Variants in NIF3L1 observed in about 807,000 individuals in gnomAD.
NIF3L1 encodes the protein NGG1 interacting factor 3 like 1.
A neutral mutation model predicts 35.0 loss-of-function variants in NIF3L1; 26 were observed. The ratio of observed to expected loss-of-function variants is 0.74; its 90% CI spans 0.54 to 1.03. The LOEUF is 1.03. NIF3L1 is among the 50% of genes least tolerant of loss of function. NIF3L1 has a pLI of 0.00. For missense variants in NIF3L1, 449 were observed against 466.3 expected (o/e 0.96, Z 0.34); for synonymous variants, 157 against 178.9 (o/e 0.88, Z 0.98).
At position 200,903,431 on chromosome 2, in the gene NIF3L1, T is replaced by C. The variant is rs981174394; in HGVS notation, c.950-63T>C. 3.7e-6 allele frequency: 5 copies of C among 1,353,674 alleles called. No homozygotes were observed. The African/African-American group carries it at 7.3e-5, about 20-fold the overall frequency. The allele number at this position is 1,353,674 out of a possible 1,614,324, so 83.9% of individuals were successfully genotyped here. A position where few individuals can be genotyped will look rare whatever the true frequency, so the allele number is the denominator to read the frequency against. On this transcript the variant is annotated intron_variant, in intron 6 of 6. Coordinates refer to ENST00000409020, the MANE Select transcript of NIF3L1 (RefSeq NM_001369441.2). Reference sequence around the variant, plus strand: ...TACAAACTTGGTATTTCTGCTTTTGTGTTTCCTCATTCCACAGATTCCATA... The same window carrying C: ...TACAAACTTGGTATTTCTGCTTTTGCGTTTCCTCATTCCACAGATTCCATA...
At chr2:200,901,197 C>T (rs1019777078) in intron 6 of NIF3L1, among the ~76,000 whole-genome samples, 1 of 150,820 alleles carries the variant, frequency 6.6e-6, no homozygotes, top group Admixed American at 6.6e-5. Flanking sequence ...TTGATAAAAG[C>T]TTATAGCATT....
At chr2:200,898,603 G>T (rs1251827959) in intron 5 of NIF3L1, among the ~76,000 whole-genome samples, 1 of 152,148 alleles carries the variant, frequency 6.6e-6, no homozygotes, top group Admixed American at 6.5e-5. Flanking sequence ...CAAAGAAAAT[G>T]GATAGCAGAG....
At chr2:200,902,033 G>A (rs2040415827) in intron 6 of NIF3L1, among the ~76,000 whole-genome samples, 1 of 152,060 alleles carries the variant, frequency 6.6e-6, no homozygotes, top group African/African-American at 2.4e-5. Flanking sequence ...AGGAGATTGT[G>A]GGGAACTAAA....
At chr2:200,891,683 A>G (rs2040194524) in intron 1 of NIF3L1, 6 of 503,286 alleles carry the variant, frequency 1.2e-5, no homozygotes, top group South Asian at 1.0e-4. Flanking sequence ...TACATAATTC[A>G]TTAGCTCCTC....
Position 200,903,868 on chromosome 2 carries a change from A to C in NIF3L1, c.*190A>C. The C allele has an allele frequency of 3.3e-6, 2 of 597,438 alleles. No individual in the cohort carries two copies. The highest frequency in any genetic ancestry group is 3.9e-5 in the South Asian group (2 of 51,376). 37.0% of individuals were successfully genotyped at this position (597,438 alleles called of 1,614,324 possible). A position where few individuals can be genotyped will look rare whatever the true frequency, so the allele number is the denominator to read the frequency against. On this transcript the variant is annotated 3_prime_UTR_variant, in exon 7 of 7. Coordinates refer to ENST00000409020, the MANE Select transcript of NIF3L1 (RefSeq NM_001369441.2). The stretch of plus-strand genomic sequence containing the variant: ...AAAACTGTAATATAACTACCATATT[A>C]AATAACAAATGTTCATTATAAACTC...
intron 6 of NIF3L1, among the ~76,000 whole-genome samples, chr2:200,902,868 G>A (rs2040431098): frequency 1.3e-5 from 2 of 152,086 alleles, no homozygotes; most frequent in Non-Finnish European, 2.9e-5. Context: ...ATTTTACTTG[G>A]CAGTGATCAT....
chr2:200,897,357 G>C, intron 5 of NIF3L1, 143 bp downstream of exon 5: 2 of 802,836 alleles, frequency 2.5e-6, no homozygotes, highest in South Asian at 3.9e-5. Context: ...ATTAGGGTGG[G>C]CCAGGTTCTG....
rs368107216 is a variant in NIF3L1, at chr2:200,897,209, C to A, written c.860C>A (p.Thr287Asn). The A allele has an allele frequency of 1.7e-5, 28 of 1,613,384 alleles. No individual in the cohort carries two copies. The highest frequency in any genetic ancestry group is 2.2e-5 in the Non-Finnish European group (26 of 1,179,880). ...CGCTTAGCCCTTGGGGTGGGGAGAA[C>A]CTTAGGTAAATATAGCTCCTTCATC... ...HIRLALGVGR[T>N]LESQVKVVAL... Residue 287 changes from threonine to asparagine, a missense_variant, in exon 5 of 7, where the codon ACC (threonine) becomes AAC (asparagine). Thr to Asn is a moderately conservative substitution (Grantham distance 65). Transcript: ENST00000409020.
At chr2:200,898,535 A>G (rs375256048) in intron 5 of NIF3L1, among the ~76,000 whole-genome samples, 10 of 152,336 alleles carry the variant, frequency 6.6e-5, no homozygotes, top group African/African-American at 2.4e-4. Flanking sequence ...GAGCCAAACC[A>G]TATCAGTAAC....
At position 200,903,603 on chromosome 2, in the gene NIF3L1, G is replaced by A. The variant is rs1187525854; in HGVS notation, c.1059G>A (p.Met353Ile). 1 of 1,613,636 alleles carries A rather than the reference G, an allele frequency of 6.2e-7. No individual in the cohort carries two copies. The highest frequency in any genetic ancestry group is 8.5e-7 in the Non-Finnish European group (1 of 1,179,692). The change falls in exon 7 of 7, where the codon ATG (methionine) becomes ATA (isoleucine). Residue 353 changes from methionine (M) to isoleucine (I), a missense_variant. By Grantham distance (10) the Met-to-Ile change is conservative. Coordinates refer to ENST00000409020, the MANE Select transcript of NIF3L1 (RefSeq NM_001369441.2). The stretch of plus-strand genomic sequence containing the variant: ...GCTTTCTTTCTGACCTTCGAGATAT[G>A]CTGGATTCTCACTTGGAGAATAAGA... ...ERGFLSDLRDMLDSHLENKIN... is the reference protein window; with the variant it reads ...ERGFLSDLRDILDSHLENKIN...
In NIF3L1 at chr2:200,897,167, T is replaced by C; in HGVS notation, c.818T>C (p.Leu273Pro). 6.2e-7 allele frequency: 1 copy of C among 1,613,970 alleles called. No individual in the cohort carries two copies. The highest frequency in any genetic ancestry group is 8.5e-7 in the Non-Finnish European group (1 of 1,179,980). ...ATMIDRIKRH[L>P]KLSHIRLALG... Reference sequence around the variant, plus strand: ...ATGATTGATCGAATAAAAAGACACCTAAAACTATCTCATATTCGCTTAGCC... The same window carrying C: ...ATGATTGATCGAATAAAAAGACACCCAAAACTATCTCATATTCGCTTAGCC... Residue 273 changes from leucine to proline, a missense_variant, in exon 5 of 7, where the codon CTA becomes CCA. Physicochemically the swap from Leu to Pro is moderately conservative, Grantham distance 98 (BLOSUM62 -3). Transcript: ENST00000409020.
Position 200,903,668 on chromosome 2 carries a change from A to G in NIF3L1, c.1124A>G (p.Gln375Arg). Residue 375 changes from glutamine (Q) to arginine (R), a missense_variant, in exon 7 of 7, where the codon CAG becomes CGG. Physicochemically the swap from Gln to Arg is conservative, Grantham distance 43. Coordinates refer to ENST00000409020, the MANE Select transcript of NIF3L1 (RefSeq NM_001369441.2). ...ILSETDRDPL[Q>R]VV ...TCAGAGACTGACAGGGACCCTCTTC[A>G]GGTGGTATAATTGCAGAAACATCAG... is the stretch of plus-strand genomic sequence containing the variant. 1 of 1,612,960 alleles carries G rather than the reference A, an allele frequency of 6.2e-7. No individual in the cohort carries two copies. Among genetic ancestry groups the G allele is most frequent in the African/African-American group, 1.3e-5 (1 of 75,022 alleles).
intron 4 of NIF3L1, among the ~76,000 whole-genome samples, chr2:200,896,651 C>T (rs1023067752): frequency 6.6e-6 from 1 of 152,192 alleles, no homozygotes; most frequent in African/African-American, 2.4e-5. Flanking sequence ...GGTACAATCT[C>T]AGCTCACCAC....
intron 1 of NIF3L1, chr2:200,890,394 G>A (rs2040153142): frequency 6.6e-6 from 1 of 152,054 alleles, no homozygotes; most frequent in Admixed American, 6.6e-5. Context: ...CCAAGACCTC[G>A]AGTGGTTTTT....
chr2:200,894,040 G>A (rs1304702499), intron 3 of NIF3L1, among the ~76,000 whole-genome samples: 1 of 151,944 alleles, frequency 6.6e-6, no homozygotes, highest in Non-Finnish European at 1.5e-5. Flanking sequence ...TGGGCGTAGT[G>A]GCGCATGCCT....
chr2:200,897,034 G>T (rs751148420), intron 4 of NIF3L1, 42 bp from the exon 5 acceptor site: 13 of 1,600,272 alleles, frequency 8.1e-6, no homozygotes, highest in Admixed American at 1.7e-5. Flanking sequence ...GTTGTTTTAG[G>T]ACTAACAATG....
chr2:200,895,251 T>C lies in NIF3L1; in HGVS notation c.600-13T>C. On this transcript the variant is annotated splice_polypyrimidine_tract_variant and intron_variant, in intron 3 of 6. Coordinates refer to ENST00000409020, the MANE Select transcript of NIF3L1 (RefSeq NM_001369441.2). ...CTATATTTGTCCTAAATGGAGTGAT[T>C]TTTCCCCCCTAGGACTGGTAATGAG... is the stretch of plus-strand genomic sequence containing the variant. 6.2e-7 allele frequency: 1 copy of C among 1,610,614 alleles called. No homozygotes were observed. The highest frequency in any genetic ancestry group is 8.5e-7 in the Non-Finnish European group (1 of 1,177,432).
chr2:200,893,477 C>A, intron 3 of NIF3L1, 69 bp downstream of exon 3: 1 of 1,454,352 alleles, frequency 6.9e-7, no homozygotes, highest in Non-Finnish European at 9.6e-7. Flanking sequence ...AAGTCTATAA[C>A]CCTGGTATTT....
In NIF3L1 at chr2:200,891,976, G is replaced by T. The variant is rs778259775; in HGVS notation, c.33G>T (p.Thr11=). Residue 11 remains threonine (T), a synonymous_variant, in exon 2 of 7, where the codon ACG becomes ACT. Coordinates refer to ENST00000409020, the MANE Select transcript of NIF3L1 (RefSeq NM_001369441.2). ...CATCTTGCGTACGCCCAGTCCCCAC[G>T]ACAGTCCGGTTTGTAGATTCCCTGA... The part of the protein sequence containing the change: MLSSCVRPVP[T]TVRFVDSLIC... The T allele has an allele frequency of 6.8e-6, 11 of 1,613,482 alleles. No homozygotes were observed. The highest frequency in any genetic ancestry group is 9.3e-6 in the Non-Finnish European group (11 of 1,179,744).
Sources: allele counts gnomAD v4.1 joint callset (sites outside exome capture counted in the v4.1 genomes callset), GRCh38; gene constraint gnomAD v4.1.1; transcripts MANE v1.5; gene names NCBI Gene and HGNC (gene_info 2026-07-23, HGNC 2026-07-21).